Variants in KGD4 observed in about 807,000 individuals in gnomAD.
KGD4 encodes alpha-ketoglutarate dehydrogenase subunit 4.
chr5:69,229,185 C>A, the KGD4 span: 42 of 1,605,812 alleles, frequency 2.6e-5, 1 homozygote, highest in East Asian at 8.3e-4. Context: ...TCTAATCTTA[C>A]TGCTTTATTT....
chr5:69,228,202 T>G, the KGD4 span: 1 of 1,541,692 alleles, frequency 6.5e-7, no homozygotes, highest in South Asian at 1.3e-5. Context: ...AATTTCAGTA[T>G]CAGAAGCTTT....
the KGD4 span, among the ~76,000 whole-genome samples, chr5:69,220,179 A>G: frequency 4.6e-5 from 7 of 152,002 alleles, no homozygotes; most frequent in African/African-American, 1.7e-4. Flanking sequence ...GTGAGCCATA[A>G]TCATGCCACT....
the KGD4 span, among the ~76,000 whole-genome samples, chr5:69,220,104 A>C: frequency 6.6e-6 from 1 of 151,802 alleles, no homozygotes; most frequent in Non-Finnish European, 1.5e-5. Context: ...GGTGATGTGC[A>C]CCTGTGGTCC....
the KGD4 span, chr5:69,218,043 G>A: frequency 1.9e-6 from 2 of 1,069,756 alleles, no homozygotes; most frequent in Admixed American, 2.4e-5. Context: ...GAGCCTGTTG[G>A]ACCGGGCAGT....
chr5:69,220,205 C>G, the KGD4 span, among the ~76,000 whole-genome samples: 2 of 150,746 alleles, frequency 1.3e-5, no homozygotes, highest in Non-Finnish European at 2.9e-5. Context: ...CCAGCCTGGA[C>G]AGTAGAGCTA....
chr5:69,229,096 TA>T, the KGD4 span: 1 of 863,246 alleles, frequency 1.2e-6, no homozygotes. Context: ...AACTATTTTT[TA>T]AAAACCAAAG....
At chr5:69,222,738 A>G in the KGD4 span, among the ~76,000 whole-genome samples, 3 of 151,946 alleles carry the variant, frequency 2.0e-5, no homozygotes, top group Non-Finnish European at 4.4e-5. Context: ...TAGGATAGAT[A>G]GAACATTCTC....
the KGD4 span, among the ~76,000 whole-genome samples, chr5:69,224,259 C>T: frequency 3.3e-5 from 5 of 151,676 alleles, no homozygotes; most frequent in African/African-American, 4.8e-5. Flanking sequence ...GGTGTGGTGG[C>T]GCAGGCCTGT....
the KGD4 span, among the ~76,000 whole-genome samples, chr5:69,221,034 C>T: frequency 4.6e-5 from 7 of 152,246 alleles, no homozygotes; most frequent in South Asian, 4.1e-4. Context: ...TACCCAGGGA[C>T]GTAAACACTG....
chr5:69,225,041 T>A, the KGD4 span, among the ~76,000 whole-genome samples: 1 of 142,340 alleles, frequency 7.0e-6, no homozygotes, highest in African/African-American at 2.6e-5. Flanking sequence ...GCCGCTGCAC[T>A]CCAGCCTGGG....
At chr5:69,217,882 T>C in the KGD4 span, 1 of 1,613,902 alleles carries the variant, frequency 6.2e-7, no homozygotes, top group Admixed American at 1.7e-5. Context: ...GTAAAGCAAT[T>C]TGTCGCGTTT....
chr5:69,221,225 A>G, the KGD4 span, among the ~76,000 whole-genome samples: 326 of 151,370 alleles, frequency 2.2e-3, 2 homozygotes, highest in African/African-American at 7.6e-3. Flanking sequence ...CAGGAGGGGT[A>G]GTGTGTGGGT....
the KGD4 span, among the ~76,000 whole-genome samples, chr5:69,226,036 T>C: frequency 6.6e-6 from 1 of 152,232 alleles, no homozygotes; most frequent in Admixed American, 6.5e-5. Context: ...CAGCCAGCTT[T>C]CATTCTTACC....
the KGD4 span, among the ~76,000 whole-genome samples, chr5:69,225,659 C>T: frequency 2.0e-5 from 3 of 151,516 alleles, no homozygotes; most frequent in Non-Finnish European, 4.4e-5. Flanking sequence ...CAACCTCTGC[C>T]TCCGGAGTCC....
the KGD4 span, among the ~76,000 whole-genome samples, chr5:69,226,931 G>A: frequency 5.9e-5 from 9 of 152,034 alleles, no homozygotes; most frequent in African/African-American, 1.9e-4. Context: ...GAGTGCAGTG[G>A]TGCTATCTTG....
At chr5:69,217,905 C>T in the KGD4 span, 4 of 1,613,908 alleles carry the variant, frequency 2.5e-6, no homozygotes, top group Non-Finnish European at 3.4e-6. Flanking sequence ...GCATCTTGGG[C>T]GGTAGGGACG....
the KGD4 span, among the ~76,000 whole-genome samples, chr5:69,225,262 ATTTTTTTT>A: frequency 9.6e-6 from 1 of 104,302 alleles, no homozygotes; most frequent in Non-Finnish European, 1.9e-5. Flanking sequence ...ATAGCACCAC[ATTTTTTTT>A]TTTTTTTTTT....
the KGD4 span, among the ~76,000 whole-genome samples, chr5:69,219,628 A>G: frequency 2.2e-4 from 34 of 152,300 alleles, no homozygotes; most frequent in South Asian, 6.6e-3. Flanking sequence ...CCCTTCTAAC[A>G]TAGGAACAAA....
At chr5:69,221,329 T>C in the KGD4 span, among the ~76,000 whole-genome samples, 1 of 152,130 alleles carries the variant, frequency 6.6e-6, no homozygotes, top group Middle Eastern at 3.2e-3. Context: ...ATCACTCCAC[T>C]GCACCCCAGC....
Sources: gnomAD v4.1 joint callset for allele counts (sites outside exome capture counted in the v4.1 genomes callset) on GRCh38, gnomAD v4.1.1 for gene constraint, MANE v1.5 for transcripts, NCBI Gene and HGNC (gene_info 2026-07-23, HGNC 2026-07-21) for gene names.